Variants in LGR5 observed in about 807,000 individuals in gnomAD.
The protein encoded by LGR5 is leucine rich repeat containing G protein-coupled receptor 5, also known as leucine-rich repeat-containing G protein-coupled receptor 5.
A neutral mutation model predicts 76.7 loss-of-function variants in LGR5; 54 were observed. The observed-to-expected ratio is 0.70, with a 90% CI of 0.57 to 0.88. The LOEUF is 0.88. Among genes scored for constraint, LGR5 ranks in the 40% least tolerant of loss-of-function variants. The pLI is 0.00. For missense variants in LGR5, 1,078 were observed against 1,073.3 expected, an observed-to-expected ratio of 1.00 and a Z score of -0.06; for synonymous variants, 406 against 421.9, an observed-to-expected ratio of 0.96 and a Z score of 0.46.
chr12:71,499,522 A>G (rs1874496315), intron 1 of LGR5, among the ~76,000 whole-genome samples: 1 of 152,178 alleles, frequency 6.6e-6, no homozygotes, highest in South Asian at 2.1e-4. Context: ...ATAGAAACCC[A>G]CATTAAACCA....
chr12:71,522,495 C>A (rs1273996166), intron 2 of LGR5, among the ~76,000 whole-genome samples: 1 of 152,178 alleles, frequency 6.6e-6, no homozygotes, highest in African/African-American at 2.4e-5. Flanking sequence ...TCAAACCTTT[C>A]TGACCATGTA....
chr12:71,512,134 G>A (rs1875187407), intron 2 of LGR5, among the ~76,000 whole-genome samples: 1 of 152,092 alleles, frequency 6.6e-6, no homozygotes, highest in Admixed American at 6.5e-5. Flanking sequence ...TGGGATTACA[G>A]GCACCCGCCA....
intron 1 of LGR5, among the ~76,000 whole-genome samples, chr12:71,501,775 T>C (rs954372758): frequency 2.0e-5 from 3 of 152,202 alleles, no homozygotes; most frequent in Admixed American, 6.5e-5. Context: ...TTTATTATAG[T>C]TTATAATAGT....
At position 71,440,361 on chromosome 12, in the gene LGR5, C is replaced by G; in HGVS notation, c.212+69C>G. ...GAAGGAAGGTTCGTCCAAGGCGAGG[C>G]TGGAGGCTCCTCGGCGCCCGCCTGC... On this transcript the variant is annotated intron_variant, in intron 1 of 17. Transcript: ENST00000266674. The surrounding 1 kb of genome is among the most constrained non-coding windows in gnomAD (Gnocchi z 5.3). The G allele has an allele frequency of 2.7e-6, 4 of 1,476,952 alleles. No individual in the cohort carries two copies. Among genetic ancestry groups the G allele is most frequent in the African/African-American group, 1.4e-5 (1 of 72,702 alleles). The allele number at this position is 1,476,952 out of a possible 1,614,324, so 91.5% of individuals were successfully genotyped here.
At chr12:71,556,810 A>T (rs1448887686) in intron 6 of LGR5, 120 bp downstream of exon 6, 1 of 749,298 alleles carries the variant, frequency 1.3e-6, no homozygotes, top group Non-Finnish European at 2.4e-6. Context: ...CTTTCAACAG[A>T]TATTTACAGT....
At chr12:71,454,107 G>C (rs1164099895) in intron 1 of LGR5, among the ~76,000 whole-genome samples, 2 of 152,076 alleles carry the variant, frequency 1.3e-5, no homozygotes, top group Non-Finnish European at 2.9e-5. Context: ...AATCCTATTG[G>C]ATGAGCCTGT....
chr12:71,459,421 C>T (rs1180636753), intron 1 of LGR5, among the ~76,000 whole-genome samples: 1 of 152,058 alleles, frequency 6.6e-6, no homozygotes, highest in Non-Finnish European at 1.5e-5. Context: ...AAGCTGAGGG[C>T]CAGGTACATA....
chr12:71,470,144 A>C (rs1279843836), intron 1 of LGR5, among the ~76,000 whole-genome samples: 3 of 152,168 alleles, frequency 2.0e-5, no homozygotes, highest in Admixed American at 1.3e-4. Context: ...CTGGGTCATG[A>C]AATCTAAAAC....
chr12:71,485,819 G>T (rs1202317055), intron 1 of LGR5, among the ~76,000 whole-genome samples: 1 of 149,722 alleles, frequency 6.7e-6, no homozygotes, highest in Non-Finnish European at 1.5e-5. Context: ...AGGCTGGACT[G>T]CAGTGGTGCA....
At chr12:71,546,251 G>T (rs1877155041) in intron 4 of LGR5, among the ~76,000 whole-genome samples, 1 of 151,790 alleles carries the variant, frequency 6.6e-6, no homozygotes, top group Non-Finnish European at 1.5e-5. Flanking sequence ...GGAGGTGGAG[G>T]TTGCAGTGAG....
intron 3 of LGR5, among the ~76,000 whole-genome samples, chr12:71,532,258 GTAAAATAACAA>G (rs966601478): frequency 1.3e-5 from 2 of 152,094 alleles, no homozygotes; most frequent in South Asian, 2.1e-4. Flanking sequence ...TAACAAAAAT[GTAAAATAACAA>G]TAAAATAACA....
intron 7 of LGR5, 85 bp downstream of exon 7, chr12:71,559,739 T>A: frequency 1.4e-6 from 1 of 725,914 alleles, no homozygotes; most frequent in Non-Finnish European, 2.4e-6. Flanking sequence ...TTACATAATA[T>A]GACTTGCTAG....
intron 5 of LGR5, among the ~76,000 whole-genome samples, chr12:71,555,930 C>A (rs533468857): frequency 6.6e-6 from 1 of 152,216 alleles, no homozygotes; most frequent in African/African-American, 2.4e-5. Context: ...AGCTGAAATG[C>A]CCATCAATGA....
At chr12:71,490,714 C>G (rs974199776) in intron 1 of LGR5, among the ~76,000 whole-genome samples, 1 of 152,100 alleles carries the variant, frequency 6.6e-6, no homozygotes, top group Non-Finnish European at 1.5e-5. Context: ...AGCAATCAGT[C>G]GCTTTCTTTC....
chr12:71,560,797 A>C (rs1878020334), intron 7 of LGR5, among the ~76,000 whole-genome samples: 1 of 152,236 alleles, frequency 6.6e-6, no homozygotes, highest in Admixed American at 6.5e-5. Flanking sequence ...TGTCTCAACA[A>C]CAACAAAGAA....
chr12:71,579,105 T>A (rs1878986019), intron 15 of LGR5, among the ~76,000 whole-genome samples, 176 bp downstream of exon 15: 1 of 152,186 alleles, frequency 6.6e-6, no homozygotes, highest in East Asian at 1.9e-4. Flanking sequence ...GGAAAATGTG[T>A]CCTCCTGACC....
intron 1 of LGR5, among the ~76,000 whole-genome samples, chr12:71,464,097 T>A (rs1872774319): frequency 1.3e-5 from 2 of 152,332 alleles, no homozygotes; most frequent in South Asian, 4.1e-4. Context: ...TTAAATCATG[T>A]ATGTTGTATT....
At chr12:71,447,730 T>G (rs544520286) in intron 1 of LGR5, among the ~76,000 whole-genome samples, 32 of 152,180 alleles carry the variant, frequency 2.1e-4, no homozygotes, top group Middle Eastern at 3.4e-3. Context: ...TTGGCAGAAA[T>G]GATACAAACA....
rs1871713925 is a variant in LGR5, at chr12:71,440,479, C to A, written c.212+187C>A. 6.6e-6 allele frequency among the ~76,000 whole-genome samples: 1 copy of A among 152,158 alleles called. No homozygotes were observed. Among genetic ancestry groups the A allele is most frequent in the East Asian group, 1.9e-4 (1 of 5,178 alleles). On this transcript the variant is annotated intron_variant, in intron 1 of 17. Coordinates refer to ENST00000266674, the MANE Select transcript of LGR5 (RefSeq NM_003667.4). This position sits in a 1 kb window ranked among gnomAD's most constrained non-coding sequence, Gnocchi z 5.3. Reference sequence around the variant, plus strand: ...GCACGTGTCTCGGGGAGTAGCGTGCCGGCACTTTCTGGACCCGCAGAGAAA... The same window carrying A: ...GCACGTGTCTCGGGGAGTAGCGTGCAGGCACTTTCTGGACCCGCAGAGAAA...
Sources: allele counts gnomAD v4.1 joint callset (sites outside exome capture counted in the v4.1 genomes callset), GRCh38; gene constraint gnomAD v4.1.1; non-coding constraint Gnocchi (gnomAD v3.1); transcripts MANE v1.5; gene names NCBI Gene and HGNC (gene_info 2026-07-23, HGNC 2026-07-21).